Variants in CFAP92 observed in about 807,000 individuals in gnomAD.
CFAP92 encodes the protein uncharacterized protein CFAP92.
Under a neutral mutation model 106.3 loss-of-function variants are expected in CFAP92, and 86 were observed. The observed-to-expected ratio is 0.81, with a 90% CI of 0.68 to 0.97. The LOEUF is 0.97. CFAP92 is among the 50% of genes least tolerant of loss of function. The pLI is 0.00. For missense variants in CFAP92, 1,204 were observed against 1,283.8 expected (o/e 0.94, Z 0.95); for synonymous variants, 477 against 506.4 (o/e 0.94, Z 0.78).
intron 15 of CFAP92, chr3:128,912,829 G>C (rs113551006): frequency 1.4e-6 from 1 of 695,082 alleles, no homozygotes; most frequent in Non-Finnish European, 2.7e-6. Context: ...GAACTGAGCC[G>C]GAGAGAGAGA....
At chr3:129,017,012 A>G in the CFAP92 span, among the ~76,000 whole-genome samples, 1 of 152,022 alleles carries the variant, frequency 6.6e-6, no homozygotes, top group African/African-American at 2.4e-5. Context: ...TTCATCTTCC[A>G]CTCTGTTTTC....
In CFAP92 at chr3:128,932,994, G is replaced by T. The variant is rs1938569463; in HGVS notation, c.2457C>A (p.Ile819=). Residue 819 remains isoleucine, a synonymous_variant, in exon 12 of 16, where the codon ATC becomes ATA. Transcript: ENST00000645291. The stretch of plus-strand genomic sequence containing the variant: ...TGGTGCTGTTATAGCAGATGTCGTG[G>T]ATCCTGGAACAAAGAACCACTGCCC... ...RRRVFQALAR[I]HDICYNSTTL... 6.5e-7 allele frequency: 1 copy of T among 1,536,100 alleles called. No homozygotes were observed. Among genetic ancestry groups the T allele is most frequent in the South Asian group, 1.2e-5 (1 of 84,054 alleles).
the CFAP92 span, among the ~76,000 whole-genome samples, chr3:129,016,581 A>C: frequency 6.6e-6 from 1 of 151,808 alleles, no homozygotes; most frequent in Non-Finnish European, 1.5e-5. Context: ...TGTGGATTCC[A>C]GACTCATTTA....
chr3:128,913,644 T>TAGGCAAGGAGGAGACTG (rs1309223888), intron 15 of CFAP92, among the ~76,000 whole-genome samples: 1 of 152,088 alleles, frequency 6.6e-6, no homozygotes, highest in East Asian at 1.9e-4. Context: ...ATGCTGGAAA[T>TAGGCAAGGAGGAGACTG]AGGCAAGGAG....
chr3:129,015,566 C>T, the CFAP92 span, among the ~76,000 whole-genome samples: 2 of 151,930 alleles, frequency 1.3e-5, no homozygotes, highest in Non-Finnish European at 2.9e-5. Flanking sequence ...TCACCCAGCC[C>T]AGGCTGACAC....
chr3:128,914,162 T>A (rs1936622176), intron 15 of CFAP92, among the ~76,000 whole-genome samples: 2 of 152,320 alleles, frequency 1.3e-5, no homozygotes, highest in Middle Eastern at 6.8e-3. Flanking sequence ...CCCAGGAGAC[T>A]TTTGCTGGGA....
intron 12 of CFAP92, among the ~76,000 whole-genome samples, chr3:128,930,299 C>T (rs975583058): frequency 1.3e-4 from 19 of 151,928 alleles, no homozygotes; most frequent in Non-Finnish European, 2.4e-4. Flanking sequence ...TACAGGTGCC[C>T]GCCACCACGC....
chr3:128,960,940 C>T (rs1031376121), intron 9 of CFAP92, among the ~76,000 whole-genome samples: 3 of 152,216 alleles, frequency 2.0e-5, no homozygotes, highest in Admixed American at 6.5e-5. Flanking sequence ...CCCTTCCCTC[C>T]GGGTCTCTAT....
At chr3:128,933,548 T>C (rs1218272020) in intron 11 of CFAP92, among the ~76,000 whole-genome samples, 1 of 152,166 alleles carries the variant, frequency 6.6e-6, no homozygotes, top group East Asian at 1.9e-4. Flanking sequence ...CGGCTCACTG[T>C]CTCAGCTGCC....
chr3:128,934,104 C>G (rs974506726), intron 11 of CFAP92, among the ~76,000 whole-genome samples: 8 of 149,962 alleles, frequency 5.3e-5, no homozygotes, highest in Non-Finnish European at 8.8e-5. Flanking sequence ...TCCGTGCCCC[C>G]GCTGGGTCCC....
At position 128,932,922 on chromosome 3, in the gene CFAP92, C is replaced by T; in HGVS notation, c.2529G>A (p.Met843Ile). The change falls in exon 12 of 16, where the codon ATG becomes ATA. Residue 843 changes from methionine to isoleucine, a missense_variant. Met to Ile is a conservative substitution (Grantham distance 10). Transcript: ENST00000645291. Reference sequence around the variant, plus strand: ...CAAACTCTTGGCTCAAGTCTTTTATCATAGCAGAGGAGGGCAGCAGGTCCC... The same window carrying T: ...CAAACTCTTGGCTCAAGTCTTTTATTATAGCAGAGGAGGGCAGCAGGTCCC... ...TVRDLLPSSA[M>I]IKDLSQEFGM... is the part of the protein sequence containing the mutation. 2.0e-6 allele frequency: 3 copies of T among 1,536,180 alleles called. No homozygotes were observed. The highest frequency in any genetic ancestry group is 2.6e-6 in the Non-Finnish European group (3 of 1,146,914).
Position 128,939,697 on chromosome 3 carries a change from G to A in CFAP92, c.2259-4378C>T, listed in dbSNP as rs908067842. Among the ~76,000 whole-genome samples, 88 of 152,032 alleles carry A rather than the reference G, an allele frequency of 5.8e-4. 1 individual carries two copies. The highest frequency in any genetic ancestry group is 6.6e-4 in the Admixed American group (10 of 15,252). On this transcript the variant is annotated intron_variant, in intron 10 of 15. Transcript: ENST00000645291. Reference sequence around the variant, plus strand: ...CGGTCCCCAACCTATTTGGTACCACGGACTGGTTTCGTGGAAGACAATTTT... The same window carrying A: ...CGGTCCCCAACCTATTTGGTACCACAGACTGGTTTCGTGGAAGACAATTTT...
At chr3:128,933,199 C>T (rs532176086) in intron 11 of CFAP92, among the ~76,000 whole-genome samples, 2 of 152,358 alleles carry the variant, frequency 1.3e-5, no homozygotes, top group East Asian at 1.9e-4. Flanking sequence ...TTCTCCCCAG[C>T]CCCCAGAAGC....
At chr3:128,933,058 C>T in intron 11 of CFAP92, 61 bp from the exon 12 acceptor site, 2 of 1,434,926 alleles carry the variant, frequency 1.4e-6, no homozygotes, top group Non-Finnish European at 1.9e-6. Flanking sequence ...GGTGTAATCA[C>T]TCCCATCCTA....
the CFAP92 span, among the ~76,000 whole-genome samples, chr3:129,022,778 G>A: frequency 6.6e-6 from 1 of 152,216 alleles, no homozygotes; most frequent in African/African-American, 2.4e-5. Context: ...GCTCACAGAA[G>A]GCCCCCAGAC....
chr3:128,941,802 T>A (rs1262912154), intron 10 of CFAP92, among the ~76,000 whole-genome samples: 1 of 152,204 alleles, frequency 6.6e-6, no homozygotes, highest in Non-Finnish European at 1.5e-5. Context: ...GATAATATAT[T>A]ATTTTCATTA....
intron 4 of CFAP92, among the ~76,000 whole-genome samples, chr3:128,986,753 G>A (rs1224048583): frequency 6.6e-6 from 1 of 152,140 alleles, no homozygotes; most frequent in African/African-American, 2.4e-5. Flanking sequence ...TCAGGAACAT[G>A]CCCAAGTCAC....
At position 128,916,150 on chromosome 3, in the gene CFAP92, G is replaced by A; in HGVS notation, c.2873C>T (p.Ser958Phe). The A allele has an allele frequency of 8.1e-7, 1 of 1,232,164 alleles. No individual in the cohort carries two copies. The highest frequency in any genetic ancestry group is 1.0e-6 in the Non-Finnish European group (1 of 987,996). 76.3% of individuals were successfully genotyped at this position (1,232,164 alleles called of 1,614,324 possible). Reference protein sequence around the residue: ...VYNYSTQTMNSTELAKKELYQ... With the variant: ...VYNYSTQTMNFTELAKKELYQ... The stretch of plus-strand genomic sequence containing the variant: ...CAGCTCCTTCTTGGCAAGCTCTGTA[G>A]AATTCATGGTCTGGGTACTATAGTT... Residue 958 changes from serine (S) to phenylalanine (F), a missense_variant, in exon 13 of 16, where the codon TCT becomes TTT. Physicochemically the swap from Ser to Phe is radical, Grantham distance 155. Coordinates refer to ENST00000645291, the MANE Select transcript of CFAP92 (RefSeq NM_001394090.1).
chr3:128,915,015 G>A (rs934129165), intron 15 of CFAP92, 104 bp downstream of exon 15: 2 of 1,154,650 alleles, frequency 1.7e-6, no homozygotes, highest in African/African-American at 3.1e-5. Flanking sequence ...AAGTTTGGTT[G>A]ATAGTGTAAA....
Sources: gnomAD v4.1 joint callset for allele counts (sites outside exome capture counted in the v4.1 genomes callset) on GRCh38, gnomAD v4.1.1 for gene constraint, MANE v1.5 for transcripts, NCBI Gene and HGNC (gene_info 2026-07-23, HGNC 2026-07-21) for gene names.